Variants in CNBD1 observed in about 807,000 individuals in gnomAD.
CNBD1 encodes cyclic nucleotide-binding domain-containing protein 1.
In CNBD1, 71 loss-of-function variants were observed where a neutral mutation model predicts 54.4. The ratio of observed to expected loss-of-function variants is 1.30; its 90% confidence interval spans 1.08 to 1.59. The LOEUF (loss-of-function observed/expected upper bound fraction) is 1.59, where lower values mean the gene tolerates loss of function less well. Among genes scored for constraint, CNBD1 ranks in the 40% most tolerant of loss-of-function variants. The pLI is 0.00. For missense variants in CNBD1, 659 were observed against 518.0 expected (o/e 1.27, Z -2.64); for synonymous variants, 182 against 170.7 (o/e 1.07, Z -0.51).
intron 5 of CNBD1, among the ~76,000 whole-genome samples, chr8:87,229,960 A>G (rs934231231): frequency 6.6e-6 from 1 of 152,174 alleles, no homozygotes; most frequent in Non-Finnish European, 1.5e-5. Context: ...TGGGTAATTT[A>G]TAAAGAAAAG....
At chr8:87,251,174 C>G (rs1807909272) in intron 6 of CNBD1, among the ~76,000 whole-genome samples, 2 of 151,394 alleles carry the variant, frequency 1.3e-5, no homozygotes, top group African/African-American at 4.9e-5. Flanking sequence ...AATACAGGAC[C>G]CTTGAGATCA....
chr8:87,408,072 G>A (rs896154322), intron 2 of CNBD1, among the ~76,000 whole-genome samples: 6 of 151,886 alleles, frequency 4.0e-5, no homozygotes, highest in Admixed American at 1.3e-4. Flanking sequence ...ATAACTTTCT[G>A]TATTATCTTC....
intron 8 of CNBD1, among the ~76,000 whole-genome samples, chr8:87,350,695 A>G (rs13249174): frequency 0.28 from 42,753 of 151,872 alleles, 6,720 homozygotes; most frequent in Middle Eastern, 0.4. Context: ...ATTATGATAA[A>G]GTTGTATATG....
chr8:87,123,702 A>T (rs966615799), intron 4 of CNBD1, among the ~76,000 whole-genome samples: 2 of 151,782 alleles, frequency 1.3e-5, no homozygotes, highest in Non-Finnish European at 3.0e-5. Flanking sequence ...ACTAGGAAAC[A>T]ATAGAAAAAT....
rs567302459 is a variant in CNBD1 at position 87,351,076 on chromosome 8, A to C, written c.1043-609A>C. Among the ~76,000 whole-genome samples the C allele has an allele frequency of 2.1e-3, 314 of 152,292 alleles. 1 individual carries two copies. The highest frequency in any genetic ancestry group is 7.4e-3 in the African/African-American group (306 of 41,560). On this transcript the variant is annotated intron_variant, in intron 8 of 10. Coordinates refer to ENST00000518476, the MANE Select transcript of CNBD1 (RefSeq NM_173538.3). ...GCCCCATGTGGTTTATATAAGGCTT[A>C]AAGTAAGGACTCCTAATTAATTTTT...
intron 5 of CNBD1, among the ~76,000 whole-genome samples, chr8:87,224,168 A>C (rs1412061765): frequency 1.3e-5 from 2 of 151,886 alleles, no homozygotes; most frequent in Non-Finnish European, 2.9e-5. Context: ...GTAGGTTGCG[A>C]AAATTTTCTC....
rs1563589764 is a variant in CNBD1, at chr8:87,406,482, T to TACACACACACAC, written c.214-22064_214-22063insACACACACACAC. 3.3e-3 allele frequency among the ~76,000 whole-genome samples: 471 copies of TACACACACACAC among 142,858 alleles called. 1 individual carries two copies. The highest frequency in any genetic ancestry group is 0.013 in the African/African-American group (449 of 35,884). 93.7% of individuals were successfully genotyped at this position (142,858 alleles called of 152,430 possible). A position where few individuals can be genotyped will look rare whatever the true frequency, so the allele number is the denominator to read the frequency against. On this transcript the variant is annotated intron_variant, in intron 2 of 7. Coordinates refer to the CNBD1 transcript ENST00000521593. The stretch of plus-strand genomic sequence containing the variant: ...CACACACACACACACACACACACTT[T>TACACACACACAC]TTTTTTTTTTTTTTTGAGACAGAAT...
intron 8 of CNBD1, among the ~76,000 whole-genome samples, chr8:87,338,775 T>G (rs1810005419): frequency 1.3e-5 from 2 of 152,144 alleles, no homozygotes; most frequent in Admixed American, 6.6e-5. Flanking sequence ...TTGAAGAAAT[T>G]TTCAGTCATG....
At chr8:86,993,873 C>A (rs185003189) in intron 4 of CNBD1, among the ~76,000 whole-genome samples, 38 of 152,272 alleles carry the variant, frequency 2.5e-4, no homozygotes, top group African/African-American at 8.9e-4. Context: ...AGAGAGATGA[C>A]CTCATCACTA....
At chr8:87,352,293 A>G (rs1271477782) in intron 9 of CNBD1, among the ~76,000 whole-genome samples, 1 of 152,080 alleles carries the variant, frequency 6.6e-6, no homozygotes. Context: ...ATCCTGGCCA[A>G]CATGGCAAAA....
intron 4 of CNBD1, among the ~76,000 whole-genome samples, chr8:87,192,045 T>C (rs1400062181): frequency 6.6e-6 from 1 of 152,122 alleles, no homozygotes; most frequent in Non-Finnish European, 1.5e-5. Flanking sequence ...AAAAAATATA[T>C]CAACCAAGCT....
chr8:87,092,450 T>C (rs1415951948), intron 4 of CNBD1, among the ~76,000 whole-genome samples: 2 of 146,392 alleles, frequency 1.4e-5, no homozygotes, highest in Non-Finnish European at 3.0e-5. Flanking sequence ...TGTATATATA[T>C]ACACATATGT....
intron 3 of CNBD1, among the ~76,000 whole-genome samples, chr8:86,935,062 G>A (rs922699737): frequency 5.9e-5 from 9 of 151,264 alleles, no homozygotes; most frequent in Admixed American, 1.3e-4. Context: ...TTGAGACAGA[G>A]TCTTGCTTTG....
At chr8:87,190,906 G>C (rs908898554) in intron 4 of CNBD1, among the ~76,000 whole-genome samples, 2 of 143,566 alleles carry the variant, frequency 1.4e-5, no homozygotes, top group African/African-American at 5.1e-5. Flanking sequence ...TTTAGATATA[G>C]GTACATGTAT....
At chr8:87,217,939 G>A (rs1053128323) in intron 5 of CNBD1, among the ~76,000 whole-genome samples, 11 of 152,030 alleles carry the variant, frequency 7.2e-5, no homozygotes, top group African/African-American at 1.4e-4. Context: ...GTAGAAGGGC[G>A]TTTCATAGCA....
At chr8:87,058,926 G>A (rs1252461861) in intron 4 of CNBD1, among the ~76,000 whole-genome samples, 4 of 152,140 alleles carry the variant, frequency 2.6e-5, no homozygotes. Flanking sequence ...CTTTTCTATT[G>A]CATCATCAGT....
intron 4 of CNBD1, among the ~76,000 whole-genome samples, chr8:87,187,508 A>G (rs1813506214): frequency 1.3e-5 from 2 of 151,394 alleles, no homozygotes; most frequent in South Asian, 2.1e-4. Flanking sequence ...CAGTAACTAA[A>G]TATTGTCACC....
chr8:87,428,603 A>G, exon 3 of CNBD1: 1 of 455,348 alleles, frequency 2.2e-6, no homozygotes, highest in Non-Finnish European at 4.4e-6. Flanking sequence ...ACTTTTGGCC[A>G]TCTGACAGAT....
At chr8:86,925,236 G>A (rs753158607) in intron 3 of CNBD1, among the ~76,000 whole-genome samples, 1 of 152,110 alleles carries the variant, frequency 6.6e-6, no homozygotes, top group Non-Finnish European at 1.5e-5. Context: ...ATCCTGGAGC[G>A]AGAATTTACC....
Sources: gnomAD v4.1 joint callset for allele counts (sites outside exome capture counted in the v4.1 genomes callset) on GRCh38, gnomAD v4.1.1 for gene constraint, MANE v1.5 for transcripts, NCBI Gene and HGNC (gene_info 2026-07-23, HGNC 2026-07-21) for gene names.